The following VDR variants were observed in gnomAD, a reference collection of about 807,000 sequenced individuals.
VDR encodes vitamin D receptor.
In VDR, 19 loss-of-function variants were observed where a neutral mutation model predicts 39.7. The ratio of observed to expected loss-of-function variants is 0.48; its 90% CI spans 0.33 to 0.70. The LOEUF is 0.70. Among genes scored for constraint, VDR ranks in the 30% least tolerant of loss-of-function variants. The pLI is 0.02. For missense variants in VDR, 442 were observed against 570.5 expected, an observed-to-expected ratio of 0.77 and a Z score of 2.29; for synonymous variants, 242 against 215.8, an observed-to-expected ratio of 1.12 and a Z score of -1.07.
chr12:47,851,314 A>G (rs1592100920), intron 7 of VDR, among the ~76,000 whole-genome samples: 2 of 152,120 alleles, frequency 1.3e-5, no homozygotes, highest in East Asian at 3.9e-4. Context: ...CAGTGCCAGC[A>G]GGGAGGGAGA....
Position 47,857,233 on chromosome 12 carries a change from T to C in VDR, c.479A>G (p.Asn160Ser). ...GGAAGGATGGCTCCCTCCACCATCA[T>C]TCACACGAACTGGAGGCTGGAAGGG... Reference protein sequence around the residue: ...FCQFRPPVRVNDGGGSHPSRP... With the variant: ...FCQFRPPVRVSDGGGSHPSRP... The change falls in exon 6 of 10, where the codon AAT (asparagine) becomes AGT (serine). Residue 160 changes from asparagine (N) to serine (S), a missense_variant. Physicochemically the swap from Asn to Ser is conservative, Grantham distance 46. This residue lies in a region of VDR where 77 missense variants were observed against 67.4 expected (regional missense o/e 1.14). Transcript: ENST00000549336. 1 of 1,614,166 alleles carries C rather than the reference T, an allele frequency of 6.2e-7. No individual in the cohort carries two copies. Among genetic ancestry groups the C allele is most frequent in the Non-Finnish European group, 8.5e-7 (1 of 1,180,020 alleles).
Position 47,895,545 on chromosome 12 carries a change from C to T in VDR, c.-84+9410G>A, listed in dbSNP as rs186107244. ...ATTCTGGGAGGGGTACCTTCTAGTA[C>T]GTTAGTAAGGAATTCTACAGGAACA... On this transcript the variant is annotated intron_variant, in intron 1 of 9. Coordinates refer to ENST00000549336, the MANE Select transcript of VDR (RefSeq NM_000376.3). Among the ~76,000 whole-genome samples, 564 of 152,206 alleles carry T rather than the reference C, an allele frequency of 3.7e-3. 3 individuals carry two copies. The highest frequency in any genetic ancestry group is 0.013 in the African/African-American group (523 of 41,510).
chr12:47,874,868 A>C (rs1333283749), intron 3 of VDR, among the ~76,000 whole-genome samples: 1 of 152,062 alleles, frequency 6.6e-6, no homozygotes, highest in Non-Finnish European at 1.5e-5. Context: ...ATCATCCACT[A>C]TATATGTCAT....
At position 47,842,062 on chromosome 12, in the gene VDR, C is replaced by T. The variant is rs1945181706; in HGVS notation, c.*2684G>A. On this transcript the variant is annotated 3_prime_UTR_variant, in exon 10 of 10. Transcript: ENST00000549336. ...GTGGCCTAGGTGGTGGGGCCCAGGG[C>T]TGAGTAACTGATATTTCCAGGAGTT... 2 of 152,364 alleles carry T rather than the reference C, an allele frequency of 1.3e-5. No homozygotes were observed. Among genetic ancestry groups the T allele is most frequent in the African/African-American group, 4.8e-5 (2 of 41,432 alleles). 9.4% of individuals were successfully genotyped at this position (152,364 alleles called of 1,614,324 possible).
At chr12:47,882,899 A>G (rs932416681) in intron 1 of VDR, 125 bp from the exon 2 acceptor site, 33 of 717,734 alleles carry the variant, frequency 4.6e-5, no homozygotes, top group Non-Finnish European at 6.5e-5. Context: ...GACTGCAAAC[A>G]GAAGTGGCTT....
intron 1 of VDR, among the ~76,000 whole-genome samples, chr12:47,883,925 G>A (rs1271915452): frequency 6.6e-6 from 1 of 152,222 alleles, no homozygotes; most frequent in Admixed American, 6.5e-5. Flanking sequence ...AATGAGCCAA[G>A]ATAACCTAAG....
chr12:47,859,923 T>TTTTCTTTCTTTCTTTC (rs778112133), intron 4 of VDR, among the ~76,000 whole-genome samples: 213 of 50,942 alleles, frequency 4.2e-3, no homozygotes, highest in South Asian at 5.2e-3. Flanking sequence ...CCTTCTTTCT[T>TTTTCTTTCTTTCTTTC]TTTCTTTCTT....
At chr12:47,887,993 T>G (rs939327822) in intron 1 of VDR, among the ~76,000 whole-genome samples, 1 of 152,232 alleles carries the variant, frequency 6.6e-6, no homozygotes, top group Admixed American at 6.5e-5. Context: ...TAGTCTGTTT[T>G]CACGATGCTG....
rs1945500886 is a variant in VDR, at chr12:47,856,973, G to A, written c.583+156C>T. Among the ~76,000 whole-genome samples the A allele has an allele frequency of 1.3e-5, 2 of 152,246 alleles. 1 individual carries two copies. The highest frequency in any genetic ancestry group is 1.3e-4 in the Admixed American group (2 of 15,286). On this transcript the variant is annotated intron_variant, in intron 6 of 9. Coordinates refer to ENST00000549336, the MANE Select transcript of VDR (RefSeq NM_000376.3). ...GGGTAAGTCACCCCTTTCTGTAACA[G>A]AGGGGCTGTTGTGAAGACGCTGCAT...
chr12:47,891,788 G>A (rs1946374368), intron 1 of VDR, among the ~76,000 whole-genome samples: 1 of 152,068 alleles, frequency 6.6e-6, no homozygotes, highest in Non-Finnish European at 1.5e-5. Flanking sequence ...CCATCATCAA[G>A]TGCTGATCCT....
intron 3 of VDR, among the ~76,000 whole-genome samples, chr12:47,868,759 C>T (rs1207005602): frequency 8.3e-6 from 1 of 119,886 alleles, no homozygotes; most frequent in African/African-American, 3.0e-5. Context: ...AAGAAACTCT[C>T]ATTTCCTTTT....
At chr12:47,880,949 T>C (rs1016390724) in intron 2 of VDR, among the ~76,000 whole-genome samples, 4 of 148,776 alleles carry the variant, frequency 2.7e-5, no homozygotes, top group Non-Finnish European at 5.9e-5. Flanking sequence ...TACATTAAAG[T>C]TTAGCAAGTA....
chr12:47,882,672 C>A, intron 2 of VDR, 22 bp downstream of exon 2: 1 of 889,118 alleles, frequency 1.1e-6, no homozygotes, highest in African/African-American at 2.0e-5. Context: ...AGGGAAGTTG[C>A]GGCTGATGAG....
intron 3 of VDR, among the ~76,000 whole-genome samples, chr12:47,878,048 C>T (rs377093744): frequency 3.2e-4 from 49 of 152,296 alleles, no homozygotes; most frequent in East Asian, 1.2e-3. Flanking sequence ...GCCCCCAAGG[C>T]GAGGAGAGCA....
chr12:47,872,669 G>A (rs562370859), intron 3 of VDR, among the ~76,000 whole-genome samples: 2 of 152,156 alleles, frequency 1.3e-5, no homozygotes, highest in Non-Finnish European at 2.9e-5. Flanking sequence ...CCCTGGCCCA[G>A]CCCTTCCCTC....
chr12:47,890,998 C>G (rs1181838576), intron 1 of VDR, among the ~76,000 whole-genome samples: 3 of 152,206 alleles, frequency 2.0e-5, no homozygotes, highest in Non-Finnish European at 4.4e-5. Flanking sequence ...TACCCCTATC[C>G]AGGGTGGCCA....
At chr12:47,887,467 C>A (rs777777049) in intron 1 of VDR, among the ~76,000 whole-genome samples, 4 of 151,900 alleles carry the variant, frequency 2.6e-5, no homozygotes, top group African/African-American at 9.7e-5. Flanking sequence ...AAAAATAGAA[C>A]ACTCTATAAT....
chr12:47,893,017 T>C (rs1946397759), intron 1 of VDR, among the ~76,000 whole-genome samples: 1 of 152,170 alleles, frequency 6.6e-6, no homozygotes, highest in Non-Finnish European at 1.5e-5. Flanking sequence ...AGAAACTCAT[T>C]CAATGTGGCT....
chr12:47,862,433 T>C (rs1180315502), intron 4 of VDR, among the ~76,000 whole-genome samples: 1 of 152,248 alleles, frequency 6.6e-6, no homozygotes, highest in Non-Finnish European at 1.5e-5. Flanking sequence ...TCTTATTAGC[T>C]GAGAGCCATG....
Sources: gnomAD v4.1 joint callset for allele counts (sites outside exome capture counted in the v4.1 genomes callset) on GRCh38, gnomAD v4.1.1 for gene constraint, gnomAD v4.1.1 regional missense constraint, MANE v1.5 for transcripts, NCBI Gene and HGNC (gene_info 2026-07-23, HGNC 2026-07-21) for gene names.